Variants in KIFAP3 observed in about 807,000 individuals in gnomAD.
KIFAP3 encodes the protein kinesin associated protein 3.
In KIFAP3, 68 loss-of-function variants were observed where a neutral mutation model predicts 106.5. The observed-to-expected ratio is 0.64, with a 90% CI of 0.53 to 0.78. The LOEUF (loss-of-function observed/expected upper bound fraction) is 0.78. Ranked by LOEUF, KIFAP3 falls within the 30% of genes least tolerant of loss-of-function variation. KIFAP3 has a pLI of 0.00. For synonymous variants in KIFAP3, 320 were observed against 311.5 expected, an observed-to-expected ratio of 1.03 and a Z score of -0.29; for missense variants, 780 against 941.8, an observed-to-expected ratio of 0.83 and a Z score of 2.25.
intron 1 of KIFAP3, among the ~76,000 whole-genome samples, chr1:170,059,261 A>G (rs1671008747): frequency 6.6e-6 from 1 of 152,232 alleles, no homozygotes; most frequent in Non-Finnish European, 1.5e-5. Context: ...ATAGACTGCT[A>G]GCAACACTAA....
At chr1:170,083,928 C>A (rs1317152655) in intron 1 of KIFAP3, among the ~76,000 whole-genome samples, 3 of 152,168 alleles carry the variant, frequency 2.0e-5, no homozygotes, top group Non-Finnish European at 2.9e-5. Context: ...ATTATTTCAA[C>A]TTTATTCTTA....
chr1:170,044,648 G>C (rs1055674701), intron 3 of KIFAP3, among the ~76,000 whole-genome samples: 6 of 152,194 alleles, frequency 3.9e-5, no homozygotes, highest in African/African-American at 1.4e-4. Flanking sequence ...ATAAAATGGA[G>C]ATACTTTGTA....
intron 18 of KIFAP3, among the ~76,000 whole-genome samples, chr1:169,954,760 C>T (rs928318608): frequency 5.9e-5 from 9 of 152,062 alleles, no homozygotes; most frequent in African/African-American, 2.2e-4. Flanking sequence ...ATTATAAATA[C>T]TAAATATTGT....
Position 170,055,312 on chromosome 1 carries a change from G to C in KIFAP3, c.157C>G (p.Gln53Glu), listed in dbSNP as rs201402714. 2.2e-5 allele frequency: 35 copies of C among 1,592,754 alleles called. No individual in the cohort carries two copies. In the African/African-American group the frequency reaches 3.9e-4, roughly 18 times the overall value. ...DPMLGERKEC[Q>E]KIIRLKSLNA... The stretch of plus-strand genomic sequence containing the variant: ...CACAAATAAAGAACTTACATTTTTT[G>C]ACATTCTTTTCGTTCTCCCAACATG... Residue 53 changes from glutamine to glutamate, a missense_variant, in exon 2 of 20, where the codon CAA becomes GAA. This residue lies in a region of KIFAP3 where 588 missense variants were observed against 678.9 expected (regional missense o/e 0.87). Transcript: ENST00000361580.
chr1:170,027,948 C>T (rs956561779), intron 8 of KIFAP3, among the ~76,000 whole-genome samples: 7 of 152,008 alleles, frequency 4.6e-5, no homozygotes, highest in Non-Finnish European at 1.0e-4. Flanking sequence ...ACAAAGATAG[C>T]ATGACAGCAG....
intron 17 of KIFAP3, among the ~76,000 whole-genome samples, chr1:169,963,745 C>T (rs1004512221): frequency 5.9e-5 from 9 of 152,066 alleles, no homozygotes; most frequent in South Asian, 2.1e-4. Context: ...CTGCCTGCCT[C>T]GGCCTCCCAA....
chr1:170,038,740 A>G (rs1669818229), intron 4 of KIFAP3, among the ~76,000 whole-genome samples: 1 of 152,224 alleles, frequency 6.6e-6, no homozygotes, highest in Non-Finnish European at 1.5e-5. Flanking sequence ...ACGTATTACA[A>G]TAAGAATATG....
intron 16 of KIFAP3, 80 bp downstream of exon 16, chr1:169,978,005 C>CA (rs11396984): frequency 0.66 from 429,877 of 648,634 alleles, 109,445 homozygotes; most frequent in African/African-American, 0.85. Context: ...TCAACATTTG[C>CA]AAAAAAAAAA....
At chr1:170,016,692 TTTTTTCTTTGTTTTTACCCTA>T in intron 9 of KIFAP3, 68 bp from the exon 10 acceptor site, 1 of 995,146 alleles carries the variant, frequency 1.0e-6, no homozygotes, top group Non-Finnish European at 1.4e-6. Context: ...AATATAATTA[TTTTTTCTTTGTTTTTACCCTA>T]ATGTATATCT....
upstream of KIFAP3, among the ~76,000 whole-genome samples, chr1:170,077,166 A>G (rs1351369051): frequency 1.3e-5 from 2 of 152,192 alleles, no homozygotes; most frequent in Non-Finnish European, 2.9e-5. Flanking sequence ...TGTCTAGCTA[A>G]AGGATTGTAA....
chr1:169,982,940 A>G, intron 13 of KIFAP3, 73 bp from the exon 14 acceptor site: 1 of 825,064 alleles, frequency 1.2e-6, no homozygotes, highest in Non-Finnish European at 1.7e-6. Context: ...GGAATCTAAC[A>G]ATTTAACTCA....
At chr1:170,050,285 A>G (rs922255848) in intron 2 of KIFAP3, among the ~76,000 whole-genome samples, 4 of 152,190 alleles carry the variant, frequency 2.6e-5, no homozygotes, top group African/African-American at 7.2e-5. Flanking sequence ...TGAAGACAAG[A>G]TTAGAGAAAA....
chr1:169,936,961 T>TTTTATA (rs1553272084), intron 19 of KIFAP3, among the ~76,000 whole-genome samples: 3 of 145,808 alleles, frequency 2.1e-5, no homozygotes, highest in Non-Finnish European at 4.5e-5. Flanking sequence ...GGAATATATA[T>TTTTATA]TATATATATA....
At chr1:169,999,261 T>C (rs1475451585) in intron 10 of KIFAP3, among the ~76,000 whole-genome samples, 1 of 152,150 alleles carries the variant, frequency 6.6e-6, no homozygotes, top group Non-Finnish European at 1.5e-5. Context: ...AAATGAGGAT[T>C]GGAGGGTATG....
chr1:170,043,250 G>A (rs1670074136), intron 3 of KIFAP3, among the ~76,000 whole-genome samples: 1 of 152,162 alleles, frequency 6.6e-6, no homozygotes, highest in Non-Finnish European at 1.5e-5. Context: ...TCAAAATGCT[G>A]CAGAGTGAAA....
intron 1 of KIFAP3, among the ~76,000 whole-genome samples, chr1:170,060,823 A>G (rs1671109093): frequency 6.6e-6 from 1 of 152,212 alleles, no homozygotes. Flanking sequence ...ATATAGACCA[A>G]TGGAACAGAA....
intron 2 of KIFAP3, among the ~76,000 whole-genome samples, chr1:170,052,863 A>T (rs1210139428): frequency 6.6e-6 from 1 of 152,220 alleles, no homozygotes; most frequent in African/African-American, 2.4e-5. Flanking sequence ...AGAGCTATTT[A>T]TGACAAACCC....
At chr1:170,065,126 T>C (rs1232856078) in intron 1 of KIFAP3, among the ~76,000 whole-genome samples, 2 of 152,228 alleles carry the variant, frequency 1.3e-5, no homozygotes, top group South Asian at 2.1e-4. Flanking sequence ...CAGTATGAAA[T>C]ACTCCTCTGT....
chr1:169,998,443 ACAC>A (rs1667496659), intron 10 of KIFAP3, among the ~76,000 whole-genome samples: 1 of 150,850 alleles, frequency 6.6e-6, no homozygotes, highest in Non-Finnish European at 1.5e-5. Context: ...CACACCACAC[ACAC>A]TTTTTTTTTT....
Sources: gnomAD v4.1 joint callset for allele counts (sites outside exome capture counted in the v4.1 genomes callset) on GRCh38, gnomAD v4.1.1 for gene constraint, gnomAD v4.1.1 regional missense constraint, MANE v1.5 for transcripts, NCBI Gene and HGNC (gene_info 2026-07-23, HGNC 2026-07-21) for gene names.